The following ANO10 variants were observed in gnomAD, a reference collection of about 807,000 sequenced individuals.
The protein encoded by ANO10 is anoctamin 10.
ANO10 carries 77 observed loss-of-function variants against 74.7 expected under a neutral mutation model. The ratio of observed to expected loss-of-function variants is 1.03; its 90% CI spans 0.86 to 1.25. The LOEUF (loss-of-function observed/expected upper bound fraction) is 1.25. ANO10 is among the 50% of genes most tolerant of loss of function. The pLI is 0.00. For synonymous variants in ANO10, 279 were observed against 284.9 expected (o/e 0.98, Z 0.21); for missense variants, 721 against 778.1 (o/e 0.93, Z 0.87).
intron 12 of ANO10, among the ~76,000 whole-genome samples, chr3:43,385,716 G>A (rs1000406019): frequency 5.3e-5 from 8 of 149,572 alleles, no homozygotes; most frequent in African/African-American, 1.7e-4. Flanking sequence ...ACTATGAGGA[G>A]GCAAAGGTGT....
upstream of ANO10, among the ~76,000 whole-genome samples, chr3:43,624,371 G>A (rs1179962646): frequency 6.6e-6 from 1 of 152,150 alleles, no homozygotes; most frequent in African/African-American, 2.4e-5. Context: ...TCCAGTATTG[G>A]GGGTGGGGCC....
intron 11 of ANO10, among the ~76,000 whole-genome samples, chr3:43,440,468 A>G (rs1421422592): frequency 6.6e-6 from 1 of 152,194 alleles, no homozygotes; most frequent in Non-Finnish European, 1.5e-5. Flanking sequence ...TGAGGATATT[A>G]TGTAAAAACG....
intron 12 of ANO10, among the ~76,000 whole-genome samples, chr3:43,386,321 AG>A (rs1232760894): frequency 2.6e-5 from 4 of 152,134 alleles, no homozygotes; most frequent in Non-Finnish European, 5.9e-5. Context: ...GAGAGGAGCA[AG>A]GAAGCAAAAG....
In ANO10 at chr3:43,521,011, T is replaced by C. The variant is rs146104463; in HGVS notation, c.1797+28709A>G. On this transcript the variant is annotated intron_variant, in intron 11 of 12. Transcript: ENST00000292246. ...TTTTGTACATTGTTCTTGTCTCTTG[T>C]AACCTGAACTCATTTATTCGTCTGA... Among the ~76,000 whole-genome samples, 804 of 152,338 alleles carry C rather than the reference T, an allele frequency of 5.3e-3. 8 individuals are homozygous for C. Among genetic ancestry groups the C allele is most frequent in the African/African-American group, 0.018 (745 of 41,588 alleles).
intron 12 of ANO10, among the ~76,000 whole-genome samples, chr3:43,388,386 T>C (rs1043070760): frequency 2.0e-5 from 3 of 152,144 alleles, no homozygotes; most frequent in Non-Finnish European, 4.4e-5. Flanking sequence ...CAGCTGGCTA[T>C]GAAGAGCGGC....
At position 43,429,959 on chromosome 3, in the gene ANO10, G is replaced by T. The variant is rs539993430; in HGVS notation, c.1914+2652C>A. Among the ~76,000 whole-genome samples, 22 of 152,276 alleles carry T rather than the reference G, an allele frequency of 1.4e-4. No individual in the cohort carries two copies. The South Asian group carries it at 4.6e-3, about 32-fold the overall frequency. ...AAATTAAATTCAACTGCAATTCGAG[G>T]AAGACTGAACCAATTTACACTTCTG... On this transcript the variant is annotated intron_variant, in intron 12 of 12. Transcript: ENST00000292246.
intron 11 of ANO10, among the ~76,000 whole-genome samples, chr3:43,434,044 A>G (rs1475230057): frequency 6.6e-6 from 1 of 152,232 alleles, no homozygotes; most frequent in African/African-American, 2.4e-5. Context: ...ATAAATAACA[A>G]GCAGATATCT....
chr3:43,663,809 GAA>G (rs2083954759), intron 1 of ANO10, among the ~76,000 whole-genome samples: 1 of 152,078 alleles, frequency 6.6e-6, no homozygotes, highest in Non-Finnish European at 1.5e-5. Flanking sequence ...AAATACCTAA[GAA>G]TACAACTTAC....
At position 43,386,564 on chromosome 3, in the gene ANO10, A is replaced by C. The variant is rs1326933303; in HGVS notation, c.1915-19590T>G. Among the ~76,000 whole-genome samples, 4 of 151,966 alleles carry C rather than the reference A, an allele frequency of 2.6e-5. No homozygotes were observed. The East Asian group carries it at 7.7e-4, about 29-fold the overall frequency. ...TGCAGGTGGGCTCATTCTCATGCAA[A>C]GGTTTCTCTTCCTTGGTAGGAATTC... On this transcript the variant is annotated intron_variant, in intron 12 of 12. Transcript: ENST00000292246.
intron 7 of ANO10, among the ~76,000 whole-genome samples, chr3:43,567,027 G>A (rs1247812715): frequency 9.2e-5 from 14 of 152,272 alleles, no homozygotes; most frequent in East Asian, 3.9e-4. Context: ...CGAGAACTAC[G>A]TGAAGAATGC....
chr3:43,535,125 C>A (rs534113370), intron 11 of ANO10, among the ~76,000 whole-genome samples: 3 of 152,116 alleles, frequency 2.0e-5, no homozygotes, highest in East Asian at 1.9e-4. Flanking sequence ...AGGAGTGCAC[C>A]ACCACACCCG....
rs983298035 is a variant in ANO10, at chr3:43,603,869, G to T, written c.139+1845C>A. Among the ~76,000 whole-genome samples, 10 of 152,188 alleles carry T rather than the reference G, an allele frequency of 6.6e-5. No individual in the cohort carries two copies. In the East Asian group the frequency reaches 1.9e-3, roughly 29 times the overall value. ...CTGCTTCCTACAAGGTGTGAATCTT[G>T]TTGTTAATATTTTGGAAACTGAATT... is the stretch of plus-strand genomic sequence containing the variant. On this transcript the variant is annotated intron_variant, in intron 2 of 12. Transcript: ENST00000292246.
rs772110161 is a variant in ANO10, at chr3:43,555,388, C to T, written c.1558G>A (p.Ala520Thr). 5 of 1,614,154 alleles carry T rather than the reference C, an allele frequency of 3.1e-6. No homozygotes were observed. The highest frequency in any genetic ancestry group is 3.4e-6 in the Non-Finnish European group (4 of 1,180,014). Residue 520 changes from alanine (A) to threonine (T), a missense_variant, in exon 10 of 13, where the codon GCC (alanine) becomes ACC (threonine). Transcript: ENST00000292246. ...LFSCVYPLAA[A>T]FAVLNNFTEV... ...GTGAAGTTATTTAACACAGCAAAGG[C>T]AGCTGCTAATGGGTAAACACAGGAG...
chr3:43,461,705 C>A (rs1307239694), intron 11 of ANO10, among the ~76,000 whole-genome samples: 1 of 152,188 alleles, frequency 6.6e-6, no homozygotes, highest in African/African-American at 2.4e-5. Context: ...GCTTCCTCAG[C>A]CATGTGGAAC....
chr3:43,560,174 G>T (rs988701078), intron 9 of ANO10, among the ~76,000 whole-genome samples: 4 of 152,106 alleles, frequency 2.6e-5, no homozygotes, highest in African/African-American at 9.7e-5. Flanking sequence ...CTGCTGCCTG[G>T]TAACTACAGC....
At chr3:43,466,697 C>T (rs1296156498) in intron 11 of ANO10, among the ~76,000 whole-genome samples, 1 of 152,124 alleles carries the variant, frequency 6.6e-6, no homozygotes, top group East Asian at 1.9e-4. Flanking sequence ...CTTAGGGTAA[C>T]CAAAGATTTT....
At chr3:43,614,157 A>G (rs113323086) in intron 1 of ANO10, among the ~76,000 whole-genome samples, 8 of 152,352 alleles carry the variant, frequency 5.3e-5, no homozygotes, top group African/African-American at 1.9e-4. Flanking sequence ...AACGTTTTTG[A>G]ACATTTATGC....
At chr3:43,640,304 T>C (rs2083659045) in intron 1 of ANO10, among the ~76,000 whole-genome samples, 1 of 152,212 alleles carries the variant, frequency 6.6e-6, no homozygotes, top group Non-Finnish European at 1.5e-5. Context: ...GTCCATTCTG[T>C]TGTTTCTAAA....
chr3:43,432,565 T>G (rs1484022074), intron 12 of ANO10, 46 bp downstream of exon 12: 1 of 1,423,000 alleles, frequency 7.0e-7, no homozygotes, highest in South Asian at 1.1e-5. Flanking sequence ...ATTTTTCCTG[T>G]CATTTGCTAA....
Sources: gnomAD v4.1 joint callset for allele counts (sites outside exome capture counted in the v4.1 genomes callset) on GRCh38, gnomAD v4.1.1 for gene constraint, MANE v1.5 for transcripts, NCBI Gene and HGNC (gene_info 2026-07-23, HGNC 2026-07-21) for gene names.